The following NKAIN2 variants were observed in gnomAD, a reference collection of about 807,000 sequenced individuals.
NKAIN2 encodes sodium/potassium transporting ATPase interacting 2, also known as sodium/potassium-transporting ATPase subunit beta-1-interacting protein 2.
A neutral mutation model predicts 32.6 loss-of-function variants in NKAIN2; 14 were observed. The observed-to-expected ratio is 0.43, with a 90% confidence interval of 0.28 to 0.67. The LOEUF (loss-of-function observed/expected upper bound fraction) is 0.67. NKAIN2 is among the 30% of genes least tolerant of loss of function. The probability of loss-of-function intolerance (pLI) is 0.17; values close to 1 mark genes in which losing one functional copy is unlikely to be tolerated. For synonymous variants in NKAIN2, 80 were observed against 87.2 expected (o/e 0.92, Z 0.46); for missense variants, 198 against 258.3 (o/e 0.77, Z 1.60).
chr6:124,310,189 G>A (rs1468691497), intron 2 of NKAIN2, among the ~76,000 whole-genome samples: 2 of 152,058 alleles, frequency 1.3e-5, no homozygotes, highest in African/African-American at 4.8e-5. Context: ...AGCTGTTTTA[G>A]TATTGTTAAC....
At chr6:124,779,318 GGGAAGGAAGGAAGGAAGGAAGGAAGGAA>G (rs869195660) in intron 4 of NKAIN2, among the ~76,000 whole-genome samples, 8 of 52,992 alleles carry the variant, frequency 1.5e-4, no homozygotes, top group Admixed American at 4.5e-4. Flanking sequence ...GAGGGAGGGA[GGGAAGGAAGGAAGGAAGGAAGGAAGGAA>G]GGAAGGAAGG....
At chr6:124,270,074 G>A (rs1463723717) in intron 1 of NKAIN2, among the ~76,000 whole-genome samples, 2 of 152,194 alleles carry the variant, frequency 1.3e-5, no homozygotes, top group Non-Finnish European at 2.9e-5. Flanking sequence ...AAGGGAGACA[G>A]AGGAGACACC....
chr6:124,228,744 TGCCA>T (rs1037035371), intron 1 of NKAIN2, among the ~76,000 whole-genome samples: 6 of 152,210 alleles, frequency 3.9e-5, no homozygotes, highest in Non-Finnish European at 7.3e-5. Context: ...ACAGGTCTAT[TGCCA>T]GCCCTTTTTC....
intron 1 of NKAIN2, among the ~76,000 whole-genome samples, chr6:124,266,521 C>T (rs1352453550): frequency 1.3e-5 from 2 of 152,114 alleles, no homozygotes; most frequent in Non-Finnish European, 2.9e-5. Context: ...TCTAGTGATT[C>T]ACCCACCTCA....
At chr6:124,081,806 T>C (rs932730833) in intron 1 of NKAIN2, among the ~76,000 whole-genome samples, 47 of 152,004 alleles carry the variant, frequency 3.1e-4, no homozygotes, top group African/African-American at 9.7e-4. Context: ...CATGTCTTAT[T>C]ACAAGATGGA....
intron 3 of NKAIN2, among the ~76,000 whole-genome samples, chr6:124,424,872 G>A (rs1350262013): frequency 2.0e-5 from 3 of 152,068 alleles, no homozygotes; most frequent in Non-Finnish European, 4.4e-5. Flanking sequence ...TGAACATGAG[G>A]ATACAGATAA....
At chr6:123,935,263 A>G (rs1427133795) in intron 1 of NKAIN2, among the ~76,000 whole-genome samples, 1 of 150,996 alleles carries the variant, frequency 6.6e-6, no homozygotes, top group Non-Finnish European at 1.5e-5. Context: ...GTGACCTTAT[A>G]CAAAGATATC....
chr6:124,556,688 G>A (rs926799725), intron 3 of NKAIN2, among the ~76,000 whole-genome samples: 4 of 151,884 alleles, frequency 2.6e-5, no homozygotes, highest in Non-Finnish European at 5.9e-5. Context: ...AAGACAGTAG[G>A]GTATAATTAA....
chr6:124,447,013 G>A (rs1196976653), intron 3 of NKAIN2, among the ~76,000 whole-genome samples: 1 of 152,094 alleles, frequency 6.6e-6, no homozygotes, highest in East Asian at 1.9e-4. Context: ...CATGTCAGTA[G>A]TGCCAAGGTT....
intron 3 of NKAIN2, among the ~76,000 whole-genome samples, chr6:124,383,502 C>T (rs1772738756): frequency 6.6e-6 from 1 of 152,164 alleles, no homozygotes; most frequent in South Asian, 2.1e-4. Flanking sequence ...TCACCTCCCA[C>T]AGCTCCTTGA....
intron 3 of NKAIN2, among the ~76,000 whole-genome samples, chr6:124,634,646 T>G (rs1277920729): frequency 6.6e-6 from 1 of 152,020 alleles, no homozygotes; most frequent in African/African-American, 2.4e-5. Flanking sequence ...AATAAAAGAT[T>G]GGAAAAGCCA....
chr6:123,833,110 T>C (rs1774453673), intron 1 of NKAIN2, among the ~76,000 whole-genome samples: 1 of 152,212 alleles, frequency 6.6e-6, no homozygotes, highest in Admixed American at 6.5e-5. Flanking sequence ...CTCTCTTTTG[T>C]GTTGATTTTG....
At chr6:124,692,554 C>T (rs1774308788) in intron 4 of NKAIN2, among the ~76,000 whole-genome samples, 1 of 152,140 alleles carries the variant, frequency 6.6e-6, no homozygotes, top group African/African-American at 2.4e-5. Flanking sequence ...CGGTGGTTCA[C>T]ACCTGTAATC....
intron 3 of NKAIN2, among the ~76,000 whole-genome samples, chr6:124,627,722 TGGTCCTAA>T (rs1402717199): frequency 6.6e-6 from 1 of 152,170 alleles, no homozygotes; most frequent in Non-Finnish European, 1.5e-5. Flanking sequence ...GATACCATAC[TGGTCCTAA>T]GGTACTCAGT....
intron 3 of NKAIN2, among the ~76,000 whole-genome samples, chr6:124,588,640 G>T (rs372376169): frequency 1.3e-5 from 2 of 151,894 alleles, no homozygotes; most frequent in East Asian, 1.9e-4. Context: ...TGGGAATTTG[G>T]GTCTATATAT....
chr6:124,403,881 A>G (rs1773733562), intron 3 of NKAIN2, among the ~76,000 whole-genome samples: 1 of 152,156 alleles, frequency 6.6e-6, no homozygotes. Context: ...ATTTAGTTCA[A>G]ATCTGTTCTT....
chr6:124,258,856 T>C lies in NKAIN2; in HGVS notation c.55-24149T>C, dbSNP rs186041928. Among the ~76,000 whole-genome samples, 1,325 of 152,328 alleles carry C rather than the reference T, an allele frequency of 8.7e-3. 10 individuals carry two copies. The highest frequency in any genetic ancestry group is 0.015 in the Non-Finnish European group (1,036 of 68,018). ...TTAGTCATTAGGGGAAGTACTCTCT[T>C]CCCTATAGTCTTGTCATGGTTCCAT... On this transcript the variant is annotated intron_variant, in intron 1 of 6. Transcript: ENST00000368417.
intron 1 of NKAIN2, among the ~76,000 whole-genome samples, chr6:123,887,297 G>C (rs979127943): frequency 6.6e-6 from 1 of 152,112 alleles, no homozygotes; most frequent in African/African-American, 2.4e-5. Context: ...TCTACACTCA[G>C]ATATGACATG....
intron 3 of NKAIN2, among the ~76,000 whole-genome samples, chr6:124,419,776 G>A (rs902243335): frequency 2.6e-5 from 4 of 152,064 alleles, no homozygotes; most frequent in South Asian, 2.1e-4. Flanking sequence ...ATATGTCATG[G>A]ATGAGTTTTT....
Sources: gnomAD v4.1 joint callset for allele counts (sites outside exome capture counted in the v4.1 genomes callset) on GRCh38, gnomAD v4.1.1 for gene constraint, MANE v1.5 for transcripts, NCBI Gene and HGNC (gene_info 2026-07-23, HGNC 2026-07-21) for gene names.